Variants in ASXL3 observed in about 807,000 individuals in gnomAD.
ASXL3 encodes the protein putative Polycomb group protein ASXL3.
In ASXL3, 34 loss-of-function variants were observed where a neutral mutation model predicts 170.6. The ratio of observed to expected loss-of-function variants is 0.20; its 90% CI spans 0.15 to 0.27. ASXL3 has a LOEUF of 0.27. Ranked by LOEUF, ASXL3 falls within the 10% of genes least tolerant of loss-of-function variation. ASXL3 has a pLI of 1.00. For missense variants in ASXL3, 2,592 were observed against 2,695.3 expected (o/e 0.96, Z 0.85); for synonymous variants, 1,002 against 989.1 (o/e 1.01, Z -0.24).
chr18:33,605,617 G>A (rs2065238897), intron 1 of ASXL3: 1 of 152,322 alleles, frequency 6.6e-6, no homozygotes, highest in Non-Finnish European at 1.5e-5. Flanking sequence ...CAGGTGTGCT[G>A]AGGGGCCTGT....
chr18:33,633,781 G>C (rs1460085512), intron 2 of ASXL3, among the ~76,000 whole-genome samples: 1 of 149,790 alleles, frequency 6.7e-6, no homozygotes, highest in Non-Finnish European at 1.5e-5. Context: ...GGAGGCAGAG[G>C]TTGCAGTGAG....
chr18:33,646,336 A>T lies in ASXL3; in HGVS notation c.338A>T (p.His113Leu), dbSNP rs1001563296. The change falls in exon 4 of 12, where the codon CAT becomes CTT. Residue 113 changes from histidine (H) to leucine (L), a missense_variant. Physicochemically the swap from His to Leu is moderately conservative, Grantham distance 99. Transcript: ENST00000269197. ...ACAGATATGGCCGAGGCAAATGCCCATGGAGAAGAAAATGGAGGTAAGTGT... is the reference window on the plus strand; with the variant it reads ...ACAGATATGGCCGAGGCAAATGCCCTTGGAGAAGAAAATGGAGGTAAGTGT... Reference protein sequence around the residue: ...DGTDMAEANAHGEENGVCSKQ... With the variant: ...DGTDMAEANALGEENGVCSKQ... 6.2e-7 allele frequency: 1 copy of T among 1,609,690 alleles called. No homozygotes were observed. The highest frequency in any genetic ancestry group is 8.5e-7 in the Non-Finnish European group (1 of 1,177,160).
At chr18:33,636,305 TCAA>T (rs367963281) in intron 2 of ASXL3, among the ~76,000 whole-genome samples, 88 of 110,720 alleles carry the variant, frequency 7.9e-4, no homozygotes, top group Middle Eastern at 4.2e-3. Flanking sequence ...AACCACTGAT[TCAA>T]CAACAACAAC....
In ASXL3 at chr18:33,751,087, A is replaced by G. The variant is rs940912852; in HGVS notation, c.*4492A>G. The G allele has an allele frequency of 1.4e-4, 22 of 152,306 alleles. No homozygotes were observed. The highest frequency in any genetic ancestry group is 6.8e-3 in the Middle Eastern group (2 of 294). The allele number at this position is 152,306 out of a possible 1,614,324, so 9.4% of individuals were successfully genotyped here. A position where few individuals can be genotyped will look rare whatever the true frequency, so the allele number is the denominator to read the frequency against. On this transcript the variant is annotated 3_prime_UTR_variant, in exon 12 of 12. Coordinates refer to ENST00000269197, the MANE Select transcript of ASXL3 (RefSeq NM_030632.3). ...GCTCACAATACCATAAGTTAAATGA[A>G]ATGAAATGTTTGTCTCTTCATGTTT...
In ASXL3 at chr18:33,740,540, G is replaced by A. The variant is rs182465397; in HGVS notation, c.3039+97G>A. On this transcript the variant is annotated intron_variant, in intron 11 of 11. Transcript: ENST00000269197. ...AGTAATTAGATTTTCTTCCTTCTAG[G>A]TTTTATGCAGCAGTTTATAATCTAA... 1,140 of 1,187,238 alleles carry A rather than the reference G, an allele frequency of 9.6e-4. 2 individuals are homozygous for A. The highest frequency in any genetic ancestry group is 1.1e-3 in the Admixed American group (38 of 33,778). The allele number at this position is 1,187,238 out of a possible 1,614,324, so 73.5% of individuals were successfully genotyped here.
chr18:33,581,472 AGTGTGTGTGTGT>A (rs150752638), intron 1 of ASXL3, among the ~76,000 whole-genome samples: 5 of 145,206 alleles, frequency 3.4e-5, no homozygotes, highest in South Asian at 2.2e-4. Context: ...TGCTGGAGTG[AGTGTGTGTGTGT>A]GTGTGTGTGT....
At chr18:33,592,191 G>C (rs2065084173) in intron 1 of ASXL3, among the ~76,000 whole-genome samples, 1 of 151,880 alleles carries the variant, frequency 6.6e-6, no homozygotes, top group African/African-American at 2.4e-5. Context: ...TGGGTGATGG[G>C]GAAACAAATA....
intron 8 of ASXL3, among the ~76,000 whole-genome samples, chr18:33,704,111 C>A (rs2066921411): frequency 1.3e-5 from 2 of 152,206 alleles, no homozygotes; most frequent in Admixed American, 6.5e-5. Flanking sequence ...GTAGTGTATG[C>A]ATATTTCAAT....
chr18:33,632,243 AG>A (rs1308782621), intron 2 of ASXL3, among the ~76,000 whole-genome samples: 5 of 152,104 alleles, frequency 3.3e-5, no homozygotes, highest in African/African-American at 1.2e-4. Flanking sequence ...AAATTCTTAT[AG>A]GATTTTTTTC....
chr18:33,694,480 C>T (rs554605746), intron 8 of ASXL3, among the ~76,000 whole-genome samples: 19 of 152,124 alleles, frequency 1.2e-4, no homozygotes, highest in African/African-American at 3.6e-4. Flanking sequence ...TTTCTGTCAT[C>T]GATATCATTT....
At chr18:33,693,315 G>A (rs1337051326) in intron 8 of ASXL3, among the ~76,000 whole-genome samples, 2 of 152,126 alleles carry the variant, frequency 1.3e-5, no homozygotes, top group East Asian at 3.9e-4. Flanking sequence ...GTTAATTGGA[G>A]AAATTTAAGA....
intron 7 of ASXL3, among the ~76,000 whole-genome samples, chr18:33,676,020 C>G (rs183955289): frequency 0.012 from 1,778 of 151,676 alleles, 71 homozygotes; most frequent in Admixed American, 0.08. Context: ...GTCAGGAGAT[C>G]GAGACCATCC....
At chr18:33,664,908 T>A (rs2066233911) in intron 5 of ASXL3, among the ~76,000 whole-genome samples, 1 of 152,230 alleles carries the variant, frequency 6.6e-6, no homozygotes, top group Non-Finnish European at 1.5e-5. Flanking sequence ...ACATCATATG[T>A]TGGGCATAAT....
chr18:33,733,029 G>A (rs145169981), intron 9 of ASXL3, among the ~76,000 whole-genome samples: 7 of 151,998 alleles, frequency 4.6e-5, no homozygotes, highest in Admixed American at 6.6e-5. Context: ...CTTGGGCTAC[G>A]TTTCTGCCAG....
At chr18:33,617,375 C>T (rs1014739516) in intron 2 of ASXL3, among the ~76,000 whole-genome samples, 2 of 152,060 alleles carry the variant, frequency 1.3e-5, no homozygotes, top group East Asian at 1.9e-4. Context: ...CCCGTAATCC[C>T]AGCTACTCTG....
chr18:33,676,725 C>T (rs1041190539), intron 7 of ASXL3, among the ~76,000 whole-genome samples: 8 of 152,126 alleles, frequency 5.3e-5, no homozygotes, highest in Admixed American at 2.0e-4. Flanking sequence ...GCTGCAAATG[C>T]GGTTTGAAGC....
At chr18:33,657,221 A>C (rs775282782) in intron 4 of ASXL3, among the ~76,000 whole-genome samples, 4 of 152,246 alleles carry the variant, frequency 2.6e-5, no homozygotes, top group Non-Finnish European at 5.9e-5. Context: ...TTTGCCAGGC[A>C]GAGTGCTGGG....
At position 33,733,506 on chromosome 18, in the gene ASXL3, C is replaced by T. The variant is rs146834536; in HGVS notation, c.977-804C>T. 5.3e-3 allele frequency among the ~76,000 whole-genome samples: 810 copies of T among 152,282 alleles called. 5 individuals carry two copies. The highest frequency in any genetic ancestry group is 9.0e-3 in the Non-Finnish European group (612 of 68,018). On this transcript the variant is annotated intron_variant, in intron 9 of 11. Transcript: ENST00000269197. Reference sequence around the variant, plus strand: ...CTACTGGCCCAGCTGTAATCTCCACCTTTCCTGTGTGGTATTCAGCAGTCC... The same window carrying T: ...CTACTGGCCCAGCTGTAATCTCCACTTTTCCTGTGTGGTATTCAGCAGTCC...
chr18:33,702,793 A>G (rs781431419), intron 8 of ASXL3, among the ~76,000 whole-genome samples: 34 of 152,164 alleles, frequency 2.2e-4, no homozygotes, highest in Non-Finnish European at 4.6e-4. Flanking sequence ...CAGTAAAATT[A>G]CATTTGCCAT....
Sources: gnomAD v4.1 joint callset for allele counts (sites outside exome capture counted in the v4.1 genomes callset) on GRCh38, gnomAD v4.1.1 for gene constraint, MANE v1.5 for transcripts, NCBI Gene and HGNC (gene_info 2026-07-23, HGNC 2026-07-21) for gene names.